Variants in RET observed in about 807,000 individuals in gnomAD.
RET encodes the protein proto-oncogene tyrosine-protein kinase receptor Ret.
Under a neutral mutation model 118.3 loss-of-function variants are expected in RET, and 19 were observed. That is an observed-to-expected ratio of 0.16 (90% CI 0.11 to 0.24). RET has a LOEUF of 0.24. RET is among the 10% of genes least tolerant of loss of function. The probability of loss-of-function intolerance (pLI) is 1.00; values close to 1 mark genes in which losing one functional copy is unlikely to be tolerated. For missense variants in RET, 1,219 were observed against 1,502.1 expected (o/e 0.81, Z 3.12); for synonymous variants, 597 against 644.1 (o/e 0.93, Z 1.11).
chr10:43,100,349 A>G, intron 1 of RET, 110 bp from the exon 2 acceptor site: 1 of 1,285,424 alleles, frequency 7.8e-7, no homozygotes, highest in Non-Finnish European at 1.1e-6. Flanking sequence ...AGGAACAGAG[A>G]TGAAAAACTC....
Position 43,122,839 on chromosome 10 carries a change from A to T in RET, c.2801+823A>T, listed in dbSNP as rs1412885864. Among the ~76,000 whole-genome samples, 3 of 152,076 alleles carry T rather than the reference A, an allele frequency of 2.0e-5. No homozygotes were observed. The East Asian group carries it at 5.8e-4, about 29-fold the overall frequency. ...TTGGTCACACTGGTCTTGAATCCTGACCTCAAATGATCCACCCACCTCAGC... is the reference window on the plus strand; with the variant it reads ...TTGGTCACACTGGTCTTGAATCCTGTCCTCAAATGATCCACCCACCTCAGC... On this transcript the variant is annotated intron_variant, in intron 16 of 19. Transcript: ENST00000355710.
At chr10:43,105,345 TA>T (rs1411375380) in intron 4 of RET, 152 bp downstream of exon 4, 45 of 1,239,714 alleles carry the variant, frequency 3.6e-5, no homozygotes, top group African/African-American at 3.3e-4. Context: ...CCGTCTGTCC[TA>T]GGGGGAGGGG....
chr10:43,089,632 G>T (rs1048979821), intron 1 of RET, among the ~76,000 whole-genome samples: 6 of 152,238 alleles, frequency 3.9e-5, no homozygotes, highest in African/African-American at 1.4e-4. Flanking sequence ...CTCCTGCTGT[G>T]TACCAGGGCC....
rs79853121 is a variant in RET, at chr10:43,126,651, C to A, written c.3116C>A (p.Pro1039Gln). The part of the protein sequence containing the change: ...YDDGLSEEET[P>Q]LVDCNNAPLP... The stretch of plus-strand genomic sequence containing the variant: ...GACGGCCTCTCAGAGGAGGAGACAC[C>A]GCTGGTGGACTGTAATAATGCCCCC... The change falls in exon 19 of 20, where the codon CCG becomes CAG. Residue 1039 changes from proline to glutamine, a missense_variant. This residue lies in a region of RET where 174 missense variants were observed against 179.3 expected (regional missense o/e 0.97). Coordinates refer to ENST00000355710, the MANE Select transcript of RET (RefSeq NM_020975.6). 1.9e-6 allele frequency: 3 copies of A among 1,613,956 alleles called. No homozygotes were observed. The highest frequency in any genetic ancestry group is 1.7e-6 in the Non-Finnish European group (2 of 1,180,012).
At position 43,119,696 on chromosome 10, in the gene RET, C is replaced by T. The variant is rs1406662248; in HGVS notation, c.2558C>T (p.Ser853Leu). ...GCCCTCACCATGGGCGACCTCATCT[C>T]ATTTGCCTGGCAGATCTCACAGGGG... ...ERALTMGDLI[S>L]FAWQISQGMQ... Residue 853 changes from serine to leucine, a missense_variant, in exon 14 of 20, where the codon TCA (serine) becomes TTA (leucine). Coordinates refer to ENST00000355710, the MANE Select transcript of RET (RefSeq NM_020975.6). 2 of 1,613,454 alleles carry T rather than the reference C, an allele frequency of 1.2e-6. No homozygotes were observed. The highest frequency in any genetic ancestry group is 1.7e-6 in the Non-Finnish European group (2 of 1,179,968).
intron 19 of RET, among the ~76,000 whole-genome samples, chr10:43,127,732 G>A (rs1843883860): frequency 6.6e-6 from 1 of 152,106 alleles, no homozygotes; most frequent in African/African-American, 2.4e-5. Context: ...ACAGACGAGT[G>A]CCTCCTTTAC....
chr10:43,105,088 G>C lies in RET; in HGVS notation c.762G>C (p.Val254=). 1 of 1,611,820 alleles carries C rather than the reference G, an allele frequency of 6.2e-7. No individual in the cohort carries two copies. Among genetic ancestry groups the C allele is most frequent in the Non-Finnish European group, 8.5e-7 (1 of 1,179,796 alleles). ...TVHAGAREEV[V]MVPFPVTVYD... is the part of the protein sequence containing the mutation. Reference sequence around the variant, plus strand: ...ACGCCGGCGCGCGCGAGGAGGTGGTGATGGTGCCCTTCCCGGTGACCGTGT... The same window carrying C: ...ACGCCGGCGCGCGCGAGGAGGTGGTCATGGTGCCCTTCCCGGTGACCGTGT... The change falls in exon 4 of 20, where the codon GTG becomes GTC. Residue 254 remains valine (V), a synonymous_variant. Transcript: ENST00000355710.
In RET at chr10:43,114,688, G is replaced by C. The variant is rs150329150; in HGVS notation, c.2088G>C (p.Ser696=). 6.2e-7 allele frequency: 1 copy of C among 1,612,050 alleles called. No individual in the cohort carries two copies. Among genetic ancestry groups the C allele is most frequent in the Non-Finnish European group, 8.5e-7 (1 of 1,179,912 alleles). The change falls in exon 11 of 20, where the codon TCG becomes TCC. Residue 696 remains serine (S), a synonymous_variant. Coordinates refer to ENST00000355710, the MANE Select transcript of RET (RefSeq NM_020975.6). This position sits in a 1 kb window ranked among gnomAD's most constrained non-coding sequence, Gnocchi z 4.6. ...SYSSSGARRP[S]LDSMENQVSV... ...CCTCTTCCGGTGCCCGCCGGCCCTC[G>C]CTGGACTCCATGGAGAACCAGGTCT...
intron 1 of RET, among the ~76,000 whole-genome samples, chr10:43,083,540 G>T (rs1345070569): frequency 6.6e-6 from 1 of 152,232 alleles, no homozygotes; most frequent in East Asian, 1.9e-4. Flanking sequence ...TGAGGCCTGG[G>T]AGGGGGCCAC....
chr10:43,081,571 T>G (rs919176226), intron 1 of RET, among the ~76,000 whole-genome samples: 1 of 152,120 alleles, frequency 6.6e-6, no homozygotes, highest in African/African-American at 2.4e-5. Flanking sequence ...ACCAGGGCTG[T>G]CTCTCCGTGC....
intron 5 of RET, among the ~76,000 whole-genome samples, chr10:43,108,741 C>T (rs919977243): frequency 1.3e-4 from 20 of 152,110 alleles, no homozygotes; most frequent in African/African-American, 4.3e-4. Flanking sequence ...ACACGCATAC[C>T]ATGCAAGCAT....
At chr10:43,100,824 C>T (rs543129908) in intron 2 of RET, 102 bp downstream of exon 2, 12 of 1,313,542 alleles carry the variant, frequency 9.1e-6, no homozygotes, top group African/African-American at 1.5e-5. Flanking sequence ...TGGCTTCCCC[C>T]CCACCGCTGG....
chr10:43,105,378 C>T (rs1837746781), intron 4 of RET, among the ~76,000 whole-genome samples, 185 bp downstream of exon 4: 1 of 152,058 alleles, frequency 6.6e-6, no homozygotes, highest in South Asian at 2.1e-4. Context: ...CTGCCAGCAC[C>T]CAGCTGGGCC....
Position 43,112,173 on chromosome 10 carries a change from G to A in RET, c.1597G>A (p.Gly533Ser), listed in dbSNP as rs75873440. 56 of 1,574,978 alleles carry A rather than the reference G, an allele frequency of 3.6e-5. No individual in the cohort carries two copies. Among genetic ancestry groups the A allele is most frequent in the East Asian group, 1.9e-4 (8 of 42,734 alleles). ...KRRLECEECGGLGSPTGRCEW... is the reference protein window; with the variant it reads ...KRRLECEECGSLGSPTGRCEW... Reference sequence around the variant, plus strand: ...ACGGCTGGAGTGTGAGGAGTGTGGCGGCCTGGGCTCCCCAACAGGCAGGTG... The same window carrying A: ...ACGGCTGGAGTGTGAGGAGTGTGGCAGCCTGGGCTCCCCAACAGGCAGGTG... The change falls in exon 8 of 20, where the codon GGC (glycine) becomes AGC (serine). Residue 533 changes from glycine to serine, a missense_variant. Gly to Ser is a moderately conservative substitution (Grantham distance 56). This residue lies in a region of RET where 850 missense variants were observed against 969.6 expected (regional missense o/e 0.88). Coordinates refer to ENST00000355710, the MANE Select transcript of RET (RefSeq NM_020975.6).
rs1237418370 is a variant in RET, at chr10:43,116,575, C to A, written c.2137-9C>A. The A allele has an allele frequency of 6.2e-7, 1 of 1,612,832 alleles. No homozygotes were observed. Among genetic ancestry groups the A allele is most frequent in the Non-Finnish European group, 8.5e-7 (1 of 1,179,398 alleles). ...CCCTCTTCTCCCCCTTCCCTCATTT[C>A]CAACATAGGAGGATCCAAAGTGGGA... On this transcript the variant is annotated splice_polypyrimidine_tract_variant and intron_variant, in intron 11 of 19. Coordinates refer to ENST00000355710, the MANE Select transcript of RET (RefSeq NM_020975.6).
At chr10:43,119,459 T>C in intron 13 of RET, 72 bp from the exon 14 acceptor site, 1 of 1,381,742 alleles carries the variant, frequency 7.2e-7, no homozygotes, top group Non-Finnish European at 9.9e-7. Context: ...CCCTGCGGCC[T>C]CCCACCCCTG....
intron 1 of RET, among the ~76,000 whole-genome samples, chr10:43,084,780 A>G (rs1837255548): frequency 6.6e-6 from 1 of 152,070 alleles, no homozygotes; most frequent in South Asian, 2.1e-4. Context: ...GAGCACCAAC[A>G]TCTGGAAACC....
chr10:43,101,103 T>A (rs1170230761), intron 2 of RET, among the ~76,000 whole-genome samples: 2 of 152,234 alleles, frequency 1.3e-5, no homozygotes, highest in Non-Finnish European at 2.9e-5. Context: ...GAAGCGGCAG[T>A]TCCCAAGGAA....
In RET at chr10:43,077,272, C is replaced by T. The variant is rs1444096302; in HGVS notation, c.14C>T (p.Thr5Met). The T allele has an allele frequency of 6.6e-7, 1 of 1,506,124 alleles. No homozygotes were observed. The highest frequency in any genetic ancestry group is 1.2e-5 in the South Asian group (1 of 80,998). The allele number at this position is 1,506,124 out of a possible 1,614,324, so 93.3% of individuals were successfully genotyped here. Residue 5 changes from threonine to methionine, a missense_variant, in exon 1 of 20, where the codon ACG (threonine) becomes ATG (methionine). Thr to Met is a moderately conservative substitution (Grantham distance 81). Coordinates refer to ENST00000355710, the MANE Select transcript of RET (RefSeq NM_020975.6). Reference sequence around the variant, plus strand: ...CGCGCACGGGCGATGGCGAAGGCGACGTCCGGTGCCGCGGGGCTGCGTCTG... The same window carrying T: ...CGCGCACGGGCGATGGCGAAGGCGATGTCCGGTGCCGCGGGGCTGCGTCTG... The part of the protein sequence containing the change: MAKA[T>M]SGAAGLRLLL...
Sources: allele counts gnomAD v4.1 joint callset (sites outside exome capture counted in the v4.1 genomes callset), GRCh38; gene constraint gnomAD v4.1.1; regional missense constraint gnomAD v4.1.1; non-coding constraint Gnocchi (gnomAD v3.1); transcripts MANE v1.5; gene names NCBI Gene and HGNC (gene_info 2026-07-23, HGNC 2026-07-21).